SKAP1: variants seen among roughly 807,000 people sequenced by gnomAD.
SKAP1 encodes src kinase associated phosphoprotein 1.
SKAP1 carries 44 observed loss-of-function variants against 58.5 expected under a neutral mutation model. The ratio of observed to expected loss-of-function variants is 0.75; its 90% CI spans 0.59 to 0.97. The LOEUF (loss-of-function observed/expected upper bound fraction) is 0.97. SKAP1 is among the 50% of genes least tolerant of loss of function. SKAP1 has a pLI of 0.00. For synonymous variants in SKAP1, 127 were observed against 149.7 expected, an observed-to-expected ratio of 0.85 and a Z score of 1.11; for missense variants, 390 against 435.2, an observed-to-expected ratio of 0.90 and a Z score of 0.92.
chr17:48,348,788 C>T (rs911958044), intron 3 of SKAP1, among the ~76,000 whole-genome samples: 37 of 152,208 alleles, frequency 2.4e-4, no homozygotes, highest in African/African-American at 8.9e-4. Flanking sequence ...GTCACTTCCA[C>T]GTGATTCCTA....
At chr17:48,271,455 C>G (rs1052989870) in intron 4 of SKAP1, among the ~76,000 whole-genome samples, 1 of 150,310 alleles carries the variant, frequency 6.7e-6, no homozygotes, top group Non-Finnish European at 1.5e-5. Context: ...CAGCCTTGGC[C>G]TCCTGGGTTC....
intron 4 of SKAP1, among the ~76,000 whole-genome samples, chr17:48,299,288 G>A (rs913304068): frequency 2.0e-5 from 3 of 152,068 alleles, no homozygotes; most frequent in Non-Finnish European, 2.9e-5. Flanking sequence ...TGTCTATTTC[G>A]TTTTGTCTTT....
chr17:48,194,956 G>A (rs894241902), intron 4 of SKAP1, among the ~76,000 whole-genome samples: 7 of 152,204 alleles, frequency 4.6e-5, no homozygotes, highest in Non-Finnish European at 4.4e-5. Context: ...GGCTGGGAAT[G>A]GTCAAATTCC....
chr17:48,432,230 G>T (rs906116132), upstream of SKAP1, among the ~76,000 whole-genome samples: 6 of 152,090 alleles, frequency 3.9e-5, no homozygotes, highest in African/African-American at 1.4e-4. Flanking sequence ...GGAGTTTGAG[G>T]TCAGCCTGAC....
intron 11 of SKAP1, chr17:48,156,552 T>TAG (rs1476083473): frequency 9.9e-6 from 5 of 505,750 alleles, no homozygotes; most frequent in Non-Finnish European, 1.6e-5. Flanking sequence ...TGTTCAGAAA[T>TAG]ATCTGAGTCC....
chr17:48,440,217 A>G, the SKAP1 span, among the ~76,000 whole-genome samples: 3 of 152,194 alleles, frequency 2.0e-5, no homozygotes, highest in Non-Finnish European at 4.4e-5. Flanking sequence ...TTGGTGTGCA[A>G]GACAGGTTTA....
intron 4 of SKAP1, among the ~76,000 whole-genome samples, chr17:48,331,316 C>A (rs1339360648): frequency 6.6e-6 from 1 of 152,120 alleles, no homozygotes; most frequent in African/African-American, 2.4e-5. Flanking sequence ...TAGACACATT[C>A]TTCTATAGCA....
chr17:48,274,584 TG>T (rs1230682699), intron 4 of SKAP1, among the ~76,000 whole-genome samples: 2 of 151,960 alleles, frequency 1.3e-5, no homozygotes, highest in African/African-American at 4.8e-5. Context: ...TAATCCCAGC[TG>T]CTCAGAAGGC....
At chr17:48,190,858 A>T (rs775361650) in intron 4 of SKAP1, among the ~76,000 whole-genome samples, 5 of 152,084 alleles carry the variant, frequency 3.3e-5, no homozygotes, top group Non-Finnish European at 7.4e-5. Context: ...GGTGGCACAC[A>T]CCTGTAATCC....
chr17:48,184,825 G>A lies in SKAP1; in HGVS notation c.465C>T (p.Phe155=), dbSNP rs1200717331. Residue 155 remains phenylalanine, a synonymous_variant, in exon 7 of 13, where the codon TTC becomes TTT. Coordinates refer to ENST00000336915, the MANE Select transcript of SKAP1 (RefSeq NM_003726.4). ...NEKSKQPKGT[F]LIKGYGVRMA... ...TCCGTACACCGTAGCCCTTAATGAGGAAGGTCCCTTTGGGCTGCTTGCCTG... is the reference window on the plus strand; with the variant it reads ...TCCGTACACCGTAGCCCTTAATGAGAAAGGTCCCTTTGGGCTGCTTGCCTG... The A allele has an allele frequency of 4.3e-6, 7 of 1,613,748 alleles. No homozygotes were observed. Among genetic ancestry groups the A allele is most frequent in the Non-Finnish European group, 5.9e-6 (7 of 1,179,788 alleles).
chr17:48,235,180 G>C (rs921978649), intron 4 of SKAP1, among the ~76,000 whole-genome samples: 3 of 152,188 alleles, frequency 2.0e-5, no homozygotes, highest in African/African-American at 7.2e-5. Flanking sequence ...GAGAGATGTG[G>C]AAAAGTGGGG....
At chr17:48,157,065 AC>A (rs574101017) in intron 11 of SKAP1, among the ~76,000 whole-genome samples, 133 of 152,354 alleles carry the variant, frequency 8.7e-4, no homozygotes, top group African/African-American at 3.0e-3. Flanking sequence ...TGTAAACATC[AC>A]AACAAATGTA....
intron 8 of SKAP1, 28 bp downstream of exon 8, chr17:48,182,366 G>A (rs2064380826): frequency 1.3e-6 from 2 of 1,498,478 alleles, no homozygotes; most frequent in East Asian, 2.3e-5. Flanking sequence ...ATCAACTCAA[G>A]TATTATTTCT....
At position 48,420,320 on chromosome 17, in the gene SKAP1, T is replaced by G. The variant is rs182075085; in HGVS notation, c.46+9755A>C. Among the ~76,000 whole-genome samples the G allele has an allele frequency of 8.5e-5, 13 of 152,336 alleles. No homozygotes were observed. In the East Asian group the frequency reaches 2.1e-3, roughly 25 times the overall value. ...TTATACTTATGAAATTAGGTAAAAA[T>G]ATTATCTTAATAACTGGTACTACAG... On this transcript the variant is annotated intron_variant, in intron 1 of 12. Transcript: ENST00000336915.
rs767395301 is a variant in SKAP1, at chr17:48,137,327, A to G, written c.989T>C (p.Met330Thr). 8.7e-6 allele frequency: 14 copies of G among 1,612,160 alleles called. No individual in the cohort carries two copies. In the Admixed American group the frequency reaches 1.8e-4, roughly 21 times the overall value. Residue 330 changes from methionine (M) to threonine (T), a missense_variant, in exon 12 of 13, where the codon ATG (methionine) becomes ACG (threonine). By Grantham distance (81) the Met-to-Thr change is moderately conservative. Coordinates refer to ENST00000336915, the MANE Select transcript of SKAP1 (RefSeq NM_003726.4). ...LIRILSKEYNMYGWWVGELNS... is the reference protein window; with the variant it reads ...LIRILSKEYNTYGWWVGELNS... ...CAGTTCTCCCACCCACCAGCCATAC[A>G]TGTTATACTCCTGAAAAGTGAAAAG...
intron 4 of SKAP1, among the ~76,000 whole-genome samples, chr17:48,205,037 T>TTCTTTTTCTTTCTTTCTTTCTTTCTC (rs1567820039): frequency 1.8e-5 from 1 of 55,742 alleles, no homozygotes; most frequent in Non-Finnish European, 3.9e-5. Flanking sequence ...CTTTCTTTCT[T>TTCTTTTTCTTTCTTTCTTTCTTTCTC]TCTCTCTCTC....
chr17:48,182,075 A>G (rs2064376853), intron 8 of SKAP1, among the ~76,000 whole-genome samples: 1 of 152,202 alleles, frequency 6.6e-6, no homozygotes. Context: ...CCTTTCCAGA[A>G]TATAAGGGGT....
intron 9 of SKAP1, 56 bp downstream of exon 9, chr17:48,179,998 C>G: frequency 6.9e-7 from 1 of 1,449,040 alleles, no homozygotes; most frequent in East Asian, 2.3e-5. Context: ...TATTCTTCCA[C>G]CAGGTCATGA....
chr17:48,281,077 G>A (rs1483964930), intron 4 of SKAP1, among the ~76,000 whole-genome samples: 1 of 151,962 alleles, frequency 6.6e-6, no homozygotes, highest in African/African-American at 2.4e-5. Flanking sequence ...CCAGGCTGGA[G>A]TGCAGTGGCG....
Sources: gnomAD v4.1 joint callset for allele counts (sites outside exome capture counted in the v4.1 genomes callset) on GRCh38, gnomAD v4.1.1 for gene constraint, MANE v1.5 for transcripts, NCBI Gene and HGNC (gene_info 2026-07-23, HGNC 2026-07-21) for gene names.